CD164: variants seen among roughly 807,000 people sequenced by gnomAD.
CD164 encodes the protein sialomucin core protein 24.
Under a neutral mutation model 24.6 loss-of-function variants are expected in CD164, and 11 were observed. That is an observed-to-expected ratio of 0.45 (90% CI 0.28 to 0.74). The LOEUF is 0.74. Ranked by LOEUF, CD164 falls within the 30% of genes least tolerant of loss-of-function variation. CD164 has a pLI of 0.13. For missense variants in CD164, 295 were observed against 243.7 expected (o/e 1.21, Z -1.40); for synonymous variants, 126 against 100.3 (o/e 1.26, Z -1.53).
chr6:109,375,613 C>A (rs1771349046), intron 4 of CD164, among the ~76,000 whole-genome samples: 1 of 65,154 alleles, frequency 1.5e-5, no homozygotes, highest in Admixed American at 1.6e-4. Flanking sequence ...CAAGACTTCG[C>A]TTCCAAAAAA....
chr6:109,369,030 A>T lies in CD164; in HGVS notation c.428-13T>A, dbSNP rs774374610. 9 of 1,599,884 alleles carry T rather than the reference A, an allele frequency of 5.6e-6. No individual in the cohort carries two copies. The South Asian group carries it at 9.1e-5, about 16-fold the overall frequency. On this transcript the variant is annotated splice_polypyrimidine_tract_variant and intron_variant, in intron 5 of 5. Coordinates refer to ENST00000310786, the MANE Select transcript of CD164 (RefSeq NM_006016.6). ...TTATTTGTTGTACCTGTTAGATAAGACAAAAGAAACAACAATCCTAAGTTT... is the reference window on the plus strand; with the variant it reads ...TTATTTGTTGTACCTGTTAGATAAGTCAAAAGAAACAACAATCCTAAGTTT...
chr6:109,369,017 C>T lies in CD164; in HGVS notation c.428G>A (p.Gly143Asp), dbSNP rs1289263848. 1.9e-6 allele frequency: 3 copies of T among 1,608,200 alleles called. No homozygotes were observed. Among genetic ancestry groups the T allele is most frequent in the Admixed American group, 3.4e-5 (2 of 58,438 alleles). Residue 143 changes from glycine to aspartate, a missense_variant and splice_region_variant, in exon 6 of 6, where the codon GGT becomes GAT. Physicochemically the swap from Gly to Asp is moderately conservative, Grantham distance 94. Transcript: ENST00000310786. ...TGGAGTCACAGTGTTATTTGTTGTA[C>T]CTGTTAGATAAGACAAAAGAAACAA... Reference protein sequence around the residue: ...STTSKTVTTSGTTNNTVTPTS... With the variant: ...STTSKTVTTSDTTNNTVTPTS...
In CD164 at chr6:109,368,592, AT is replaced by A; in HGVS notation, c.*258del. The A allele has an allele frequency of 7.4e-7, 1 of 1,346,766 alleles. No individual in the cohort carries two copies. Among genetic ancestry groups the A allele is most frequent in the Non-Finnish European group, 9.5e-7 (1 of 1,055,030 alleles). The allele number at this position is 1,346,766 out of a possible 1,614,324, so 83.4% of individuals were successfully genotyped here. A position where few individuals can be genotyped will look rare whatever the true frequency, so the allele number is the denominator to read the frequency against. Reference sequence around the variant, plus strand: ...ATATTTGGCATGTTAAGGAAAAAAAATATAATCCCACAGCAGCAGCTATTTA... The same window carrying A: ...ATATTTGGCATGTTAAGGAAAAAAAAATAATCCCACAGCAGCAGCTATTTA... On this transcript the variant is annotated 3_prime_UTR_variant, in exon 6 of 6. Transcript: ENST00000310786.
At position 109,382,247 on chromosome 6, in the gene CD164, C is replaced by T. The variant is rs754745347; in HGVS notation, c.132G>A (p.Ser44=). ...CCAGCGGGAGGGACGTCACCGGCGCCGAGGTTACGTTGGAGATGGGCGCTA... is the reference window on the plus strand; with the variant it reads ...CCAGCGGGAGGGACGTCACCGGCGCTGAGGTTACGTTGGAGATGGGCGCTA... ...TTLAPISNVT[S]APVTSLPLVT... is the part of the protein sequence containing the mutation. Residue 44 remains serine, a synonymous_variant, in exon 1 of 6, where the codon TCG becomes TCA. Coordinates refer to ENST00000310786, the MANE Select transcript of CD164 (RefSeq NM_006016.6). 3 of 1,587,154 alleles carry T rather than the reference C, an allele frequency of 1.9e-6. No individual in the cohort carries two copies. The highest frequency in any genetic ancestry group is 1.1e-5 in the South Asian group (1 of 87,470).
rs1318613936 is a variant in CD164 at position 109,366,733 on chromosome 6, T to TA, written c.*2117_*2118insT. ...AAGGTTTCTATATACCTTCTGGATT[T>TA]TAAAAAAACCCAAAAATTAATGGCT... is the stretch of plus-strand genomic sequence containing the variant. On this transcript the variant is annotated 3_prime_UTR_variant, in exon 6 of 6. Coordinates refer to ENST00000310786, the MANE Select transcript of CD164 (RefSeq NM_006016.6). 4.0e-5 allele frequency: 6 copies of TA among 149,728 alleles called. No homozygotes were observed. The South Asian group carries it at 6.2e-4, about 16-fold the overall frequency. The allele number at this position is 149,728 out of a possible 1,614,324, so 9.3% of individuals were successfully genotyped here.
Position 109,368,224 on chromosome 6 carries a change from TA to T in CD164, c.*626del, listed in dbSNP as rs1770875954. ...ACTGTTCTTTATATTCTCAATGACA[TA>T]AGATGCTTTACAAGTATGAACAATA... On this transcript the variant is annotated 3_prime_UTR_variant, in exon 6 of 6. Coordinates refer to ENST00000310786, the MANE Select transcript of CD164 (RefSeq NM_006016.6). 4 of 1,458,178 alleles carry T rather than the reference TA, an allele frequency of 2.7e-6. No individual in the cohort carries two copies. In the South Asian group the frequency reaches 3.9e-5, roughly 14 times the overall value. 90.3% of individuals were successfully genotyped at this position (1,458,178 alleles called of 1,614,324 possible). A position where few individuals can be genotyped will look rare whatever the true frequency, so the allele number is the denominator to read the frequency against.
chr6:109,374,833 T>G (rs1461031765), intron 4 of CD164, among the ~76,000 whole-genome samples: 1 of 152,174 alleles, frequency 6.6e-6, no homozygotes, highest in Non-Finnish European at 1.5e-5. Flanking sequence ...AGTTTTCCAG[T>G]GCAGTTTCAC....
intron 1 of CD164, 190 bp downstream of exon 1, chr6:109,382,014 G>A (rs1771781472): frequency 9.3e-6 from 4 of 430,414 alleles, no homozygotes; most frequent in South Asian, 1.8e-4. Flanking sequence ...TCCCCCCAGC[G>A]CGCTCCCCAC....
chr6:109,367,247 T>G lies in CD164; in HGVS notation c.*1604A>C, dbSNP rs1770811297. ...CAAATGTGCAAGTAAAACAAACAGCTGTACCAACGAGTAACAAAGAAACAG... is the reference window on the plus strand; with the variant it reads ...CAAATGTGCAAGTAAAACAAACAGCGGTACCAACGAGTAACAAAGAAACAG... On this transcript the variant is annotated 3_prime_UTR_variant, in exon 6 of 6. Coordinates refer to ENST00000310786, the MANE Select transcript of CD164 (RefSeq NM_006016.6). 1 of 152,616 alleles carries G rather than the reference T, an allele frequency of 6.6e-6. No homozygotes were observed. The highest frequency in any genetic ancestry group is 2.4e-5 in the African/African-American group (1 of 41,452). 9.5% of individuals were successfully genotyped at this position (152,616 alleles called of 1,614,324 possible).
At chr6:109,379,871 G>A in intron 1 of CD164, 2 of 492,958 alleles carry the variant, frequency 4.1e-6, no homozygotes, top group Non-Finnish European at 7.3e-6. Context: ...CAAGCTAGTG[G>A]TCACTCTCAG....
chr6:109,381,608 T>A lies in CD164; in HGVS notation c.175+596A>T, dbSNP rs778159980. 4 of 702,518 alleles carry A rather than the reference T, an allele frequency of 5.7e-6. 1 individual carries two copies. In the South Asian group the frequency reaches 5.9e-5, roughly 10 times the overall value. The allele number at this position is 702,518 out of a possible 1,614,324, so 43.5% of individuals were successfully genotyped here. The stretch of plus-strand genomic sequence containing the variant: ...AAGTGTGAAGTTTTCACTAACTACG[T>A]GCTCAAACGTCAGCTACATTCTATT... On this transcript the variant is annotated intron_variant, in intron 1 of 5. Transcript: ENST00000310786.
chr6:109,381,453 G>A (rs1771737267), intron 1 of CD164: 6 of 700,022 alleles, frequency 8.6e-6, no homozygotes, highest in South Asian at 1.5e-5. Context: ...AATGTCAGGA[G>A]AGTTTACTCA....
At chr6:109,369,616 C>T (rs934165652) in intron 5 of CD164, among the ~76,000 whole-genome samples, 4 of 152,076 alleles carry the variant, frequency 2.6e-5, no homozygotes, top group African/African-American at 7.2e-5. Context: ...ACAGAAAAAG[C>T]GATTTCCATT....
intron 4 of CD164, among the ~76,000 whole-genome samples, chr6:109,375,306 A>G (rs1051994244): frequency 1.3e-5 from 2 of 152,144 alleles, no homozygotes; most frequent in Admixed American, 1.3e-4. Context: ...AGTGTATACC[A>G]TAATGCTTAC....
At position 109,382,362 on chromosome 6, in the gene CD164, C is replaced by T; in HGVS notation, c.17G>A (p.Arg6His). Residue 6 changes from arginine (R) to histidine (H), a missense_variant, in exon 1 of 6, where the codon CGC (arginine) becomes CAC (histidine). Arg to His is a conservative substitution (Grantham distance 29). Coordinates refer to ENST00000310786, the MANE Select transcript of CD164 (RefSeq NM_006016.6). Reference sequence around the variant, plus strand: ...GCAGGTGGCGGCCCAAAGCAGTGAGCGGGAGAGCCGCGACATCGTGTCCTC... The same window carrying T: ...GCAGGTGGCGGCCCAAAGCAGTGAGTGGGAGAGCCGCGACATCGTGTCCTC... MSRLS[R>H]SLLWAATCLG... 6.5e-7 allele frequency: 1 copy of T among 1,548,170 alleles called. No homozygotes were observed. Among genetic ancestry groups the T allele is most frequent in the Non-Finnish European group, 8.7e-7 (1 of 1,152,778 alleles).
chr6:109,382,145 G>T, intron 1 of CD164, 59 bp downstream of exon 1: 1 of 1,330,588 alleles, frequency 7.5e-7, no homozygotes, highest in Middle Eastern at 2.8e-4. Flanking sequence ...GCACGGCGAG[G>T]AGGCAGTGCG....
chr6:109,374,617 T>TA, intron 4 of CD164, among the ~76,000 whole-genome samples: 1 of 152,342 alleles, frequency 6.6e-6, no homozygotes, highest in Middle Eastern at 3.4e-3. Flanking sequence ...CTATAAACTT[T>TA]AAAATCTTTC....
At chr6:109,380,848 A>G (rs982884397) in intron 1 of CD164, among the ~76,000 whole-genome samples, 1 of 152,264 alleles carries the variant, frequency 6.6e-6, no homozygotes, top group Non-Finnish European at 1.5e-5. Flanking sequence ...ATTAAGACTG[A>G]GACAAACATA....
Position 109,368,412 on chromosome 6 carries a change from A to G in CD164, c.*439T>C, listed in dbSNP as rs1582464771. 3.5e-6 allele frequency: 5 copies of G among 1,422,334 alleles called. No individual in the cohort carries two copies. The South Asian group carries it at 7.8e-5, about 22-fold the overall frequency. 88.1% of individuals were successfully genotyped at this position (1,422,334 alleles called of 1,614,324 possible). A position where few individuals can be genotyped will look rare whatever the true frequency, so the allele number is the denominator to read the frequency against. ...ACTACTAAATTAATAAATTTATTCC[A>G]CTTTTGAAATGACAGCCAAAAATCC... is the stretch of plus-strand genomic sequence containing the variant. On this transcript the variant is annotated 3_prime_UTR_variant, in exon 6 of 6. Coordinates refer to ENST00000310786, the MANE Select transcript of CD164 (RefSeq NM_006016.6).
Sources: allele counts gnomAD v4.1 joint callset (sites outside exome capture counted in the v4.1 genomes callset), GRCh38; gene constraint gnomAD v4.1.1; transcripts MANE v1.5; gene names NCBI Gene and HGNC (gene_info 2026-07-23, HGNC 2026-07-21).